The following C5orf24 variants were observed in gnomAD, a reference collection of about 807,000 sequenced individuals.
C5orf24 encodes the protein chromosome 5 open reading frame 24, also known as UPF0461 protein C5orf24.
In C5orf24, 4 loss-of-function variants were observed where a neutral mutation model predicts 9.8. The observed-to-expected ratio is 0.41, with a 90% CI of 0.20 to 0.93. C5orf24 has a LOEUF of 0.93. C5orf24 is among the 40% of genes least tolerant of loss of function. The probability of loss-of-function intolerance (pLI) is 0.33; values close to 1 mark genes in which losing one functional copy is unlikely to be tolerated. For synonymous variants in C5orf24, 73 were observed against 81.3 expected (o/e 0.90, Z 0.55); for missense variants, 170 against 236.9 (o/e 0.72, Z 1.85).
intron 1 of C5orf24, chr5:134,847,010 C>G (rs1432043032): frequency 6.6e-6 from 1 of 152,172 alleles, no homozygotes; most frequent in Non-Finnish European, 1.5e-5. Context: ...GAAGCTTTCT[C>G]CATGTTTAGA....
chr5:134,836,475 C>A, the C5orf24 span, among the ~76,000 whole-genome samples: 1 of 149,848 alleles, frequency 6.7e-6, no homozygotes, highest in Admixed American at 6.7e-5. Context: ...GCCCGCCTGG[C>A]CTTATTTTTC....
the C5orf24 span, among the ~76,000 whole-genome samples, chr5:134,837,033 G>A: frequency 2.0e-5 from 3 of 151,970 alleles, no homozygotes; most frequent in African/African-American, 4.8e-5. Context: ...GAGTGCAATG[G>A]CGCGATCTCA....
Position 134,855,251 on chromosome 5 carries a change from A to G in C5orf24, c.351A>G (p.Gly117=). The G allele has an allele frequency of 6.2e-7, 1 of 1,614,130 alleles. No homozygotes were observed. The highest frequency in any genetic ancestry group is 2.2e-5 in the East Asian group (1 of 44,886). ...GRPLGTTKAA[G]FKTSPGRPLG... ...CCCTGGGAACCACCAAAGCAGCTGGATTTAAGACAAGTCCAGGCAGACCTT... is the reference window on the plus strand; with the variant it reads ...CCCTGGGAACCACCAAAGCAGCTGGGTTTAAGACAAGTCCAGGCAGACCTT... Residue 117 remains glycine (G), a synonymous_variant, in exon 2 of 2, where the codon GGA becomes GGG. Coordinates refer to ENST00000394976, the MANE Select transcript of C5orf24 (RefSeq NM_001135586.1).
chr5:134,853,567 G>T, intron 1 of C5orf24, among the ~76,000 whole-genome samples: 1 of 134,714 alleles, frequency 7.4e-6, no homozygotes, highest in African/African-American at 2.8e-5. Context: ...TCAAGAGCAG[G>T]AATCTTGCTA....
rs148502660 is a variant in C5orf24, at chr5:134,857,784, A to T, written c.*2317A>T. 2.6e-3 allele frequency: 471 copies of T among 182,828 alleles called. 2 individuals carry two copies. The highest frequency in any genetic ancestry group is 0.011 in the African/African-American group (449 of 42,236). The allele number at this position is 182,828 out of a possible 1,614,324, so 11.3% of individuals were successfully genotyped here. A position where few individuals can be genotyped will look rare whatever the true frequency, so the allele number is the denominator to read the frequency against. ...CTTTTTCAAGCCAGTTTCTAAAGAC[A>T]TTTGTTTAATGTTCTACCATAGAAT... is the stretch of plus-strand genomic sequence containing the variant. On this transcript the variant is annotated 3_prime_UTR_variant, in exon 2 of 2. Coordinates refer to ENST00000394976, the MANE Select transcript of C5orf24 (RefSeq NM_001135586.1).
At chr5:134,836,604 C>G in the C5orf24 span, among the ~76,000 whole-genome samples, 1 of 152,012 alleles carries the variant, frequency 6.6e-6, no homozygotes, top group Non-Finnish European at 1.5e-5. Flanking sequence ...AGTGCAGTGG[C>G]GCAATCTTGG....
chr5:134,857,546 C>A lies in C5orf24; in HGVS notation c.*2079C>A. On this transcript the variant is annotated 3_prime_UTR_variant, in exon 2 of 2. Transcript: ENST00000394976. ...GAACGATGTTGGATGGTTACATAAT[C>A]AGTTATAACATTCTGGCAGCTAAAT... 1 of 1,034,988 alleles carries A rather than the reference C, an allele frequency of 9.7e-7. No homozygotes were observed. Among genetic ancestry groups the A allele is most frequent in the Non-Finnish European group, 1.3e-6 (1 of 781,692 alleles). The allele number at this position is 1,034,988 out of a possible 1,614,324, so 64.1% of individuals were successfully genotyped here.
At chr5:134,838,133 T>A in the C5orf24 span, among the ~76,000 whole-genome samples, 6 of 152,168 alleles carry the variant, frequency 3.9e-5, no homozygotes, top group Non-Finnish European at 8.8e-5. Context: ...TGAAAGGTCT[T>A]TAGAGGCAGC....
chr5:134,841,971 G>A (rs1755898813), upstream of C5orf24, among the ~76,000 whole-genome samples: 1 of 152,176 alleles, frequency 6.6e-6, no homozygotes. Flanking sequence ...AACTAGGACA[G>A]TGGGTAGACA....
At chr5:134,840,826 G>A (rs1580833999), upstream of C5orf24, among the ~76,000 whole-genome samples, 2 of 152,122 alleles carry the variant, frequency 1.3e-5, no homozygotes, top group African/African-American at 4.8e-5. Context: ...ATAAGCCATT[G>A]CACCTGTCTG....
rs1178088103 is a variant in C5orf24, at chr5:134,846,031, G to GCGGCGGGTGCTGGGAGC, written c.-183_-167dup. On this transcript the variant is annotated 5_prime_UTR_variant, in exon 1 of 2. Transcript: ENST00000394976. The stretch of plus-strand genomic sequence containing the variant: ...CGGGGCAGGACCGTGCGCGGCGGCC[G>GCGGCGGGTGCTGGGAGC]CGGCGGGTGCTGGGAGCCAGCGCCT... 6.6e-6 allele frequency: 1 copy of GCGGCGGGTGCTGGGAGC among 152,342 alleles called. No individual in the cohort carries two copies. The highest frequency in any genetic ancestry group is 1.5e-5 in the Non-Finnish European group (1 of 68,148). The allele number at this position is 152,342 out of a possible 1,614,324, so 9.4% of individuals were successfully genotyped here.
chr5:134,850,546 C>T (rs978966703), intron 1 of C5orf24, among the ~76,000 whole-genome samples: 5 of 151,378 alleles, frequency 3.3e-5, no homozygotes, highest in Non-Finnish European at 7.4e-5. Context: ...GATCTTGGCT[C>T]ATTGCAACCT....
At chr5:134,836,877 ATTG>A in the C5orf24 span, among the ~76,000 whole-genome samples, 1 of 152,018 alleles carries the variant, frequency 6.6e-6, no homozygotes, top group Non-Finnish European at 1.5e-5. Context: ...TATATAATAT[ATTG>A]TTACTGTATT....
chr5:134,839,065 C>T, the C5orf24 span, among the ~76,000 whole-genome samples: 6 of 151,720 alleles, frequency 4.0e-5, no homozygotes, highest in African/African-American at 7.3e-5. Flanking sequence ...AAAAATTGGC[C>T]CGGCACACAT....
intron 1 of C5orf24, among the ~76,000 whole-genome samples, chr5:134,850,919 C>CATATATATATATATATATAT (rs201093286): frequency 1.2e-3 from 169 of 140,436 alleles, no homozygotes; most frequent in African/African-American, 4.6e-3. Context: ...TATGAATGTT[C>CATATATATATATATATATAT]ATATATATAT....
At chr5:134,840,598 A>AGG in the C5orf24 span, among the ~76,000 whole-genome samples, 2 of 152,034 alleles carry the variant, frequency 1.3e-5, no homozygotes, top group African/African-American at 4.8e-5. Flanking sequence ...CAGTCACGTG[A>AGG]TTACAGCTCA....
the C5orf24 span, chr5:134,833,719 T>C: frequency 2.0e-5 from 3 of 152,174 alleles, no homozygotes; most frequent in African/African-American, 7.2e-5. Flanking sequence ...GGGGTCCAAG[T>C]AGGAATGCAA....
In C5orf24 at chr5:134,857,496, A is replaced by AT; in HGVS notation, c.*2030dup. The AT allele has an allele frequency of 7.2e-7, 1 of 1,393,848 alleles. No individual in the cohort carries two copies. Among genetic ancestry groups the AT allele is most frequent in the Non-Finnish European group, 9.5e-7 (1 of 1,055,114 alleles). The allele number at this position is 1,393,848 out of a possible 1,614,324, so 86.3% of individuals were successfully genotyped here. ...GGCGTCTAAGACAGTGACCTCAACA[A>AT]TATTAGCTTTGCACAAACCATAGAG... On this transcript the variant is annotated 3_prime_UTR_variant, in exon 2 of 2. Coordinates refer to ENST00000394976, the MANE Select transcript of C5orf24 (RefSeq NM_001135586.1).
At chr5:134,847,171 A>G (rs1398962276) in intron 1 of C5orf24, among the ~76,000 whole-genome samples, 2 of 152,242 alleles carry the variant, frequency 1.3e-5, no homozygotes, top group Admixed American at 6.5e-5. Context: ...AAACACAATA[A>G]AACAACTTCA....
Sources: gnomAD v4.1 joint callset for allele counts (sites outside exome capture counted in the v4.1 genomes callset) on GRCh38, gnomAD v4.1.1 for gene constraint, MANE v1.5 for transcripts, NCBI Gene and HGNC (gene_info 2026-07-23, HGNC 2026-07-21) for gene names.